Variants in SLC39A11 observed in about 807,000 individuals in gnomAD.
SLC39A11 encodes solute carrier family 39 member 11, also known as zinc transporter ZIP11.
SLC39A11 carries 33 observed loss-of-function variants against 36.1 expected under a neutral mutation model. The ratio of observed to expected loss-of-function variants is 0.91; its 90% CI spans 0.69 to 1.22. SLC39A11 has a LOEUF of 1.22. Ranked by LOEUF, SLC39A11 falls within the 50% of genes most tolerant of loss-of-function variation. The probability of loss-of-function intolerance (pLI) is 0.00; values close to 1 mark genes in which losing one functional copy is unlikely to be tolerated. For synonymous variants in SLC39A11, 166 were observed against 170.3 expected, an observed-to-expected ratio of 0.97 and a Z score of 0.20; for missense variants, 432 against 430.3, an observed-to-expected ratio of 1.00 and a Z score of -0.03.
intron 6 of SLC39A11, among the ~76,000 whole-genome samples, chr17:72,822,229 C>T (rs1020828987): frequency 1.3e-5 from 2 of 148,382 alleles, no homozygotes; most frequent in Non-Finnish European, 3.0e-5. Flanking sequence ...ATACTATATA[C>T]ATACTATACA....
At chr17:73,063,968 A>T (rs776438464) in intron 3 of SLC39A11, among the ~76,000 whole-genome samples, 1 of 152,040 alleles carries the variant, frequency 6.6e-6, no homozygotes, top group East Asian at 1.9e-4. Context: ...CAGGTATCTA[A>T]TTTTTCCACA....
At chr17:72,933,448 C>A (rs1316632936) in intron 5 of SLC39A11, among the ~76,000 whole-genome samples, 1 of 152,044 alleles carries the variant, frequency 6.6e-6, no homozygotes, top group African/African-American at 2.4e-5. Context: ...AAATGGAAAA[C>A]TCTATATTTA....
intron 4 of SLC39A11, among the ~76,000 whole-genome samples, chr17:72,971,677 C>T (rs1427351849): frequency 6.6e-6 from 1 of 152,198 alleles, no homozygotes; most frequent in African/African-American, 2.4e-5. Flanking sequence ...GGGGCCGGGC[C>T]GCCCCCCAGG....
At chr17:73,013,506 G>C (rs887937710) in intron 4 of SLC39A11, among the ~76,000 whole-genome samples, 1 of 152,234 alleles carries the variant, frequency 6.6e-6, no homozygotes, top group African/African-American at 2.4e-5. Context: ...AGCAGCTGCA[G>C]GGGATTCCAC....
At chr17:72,940,140 C>A (rs1387443932) in intron 5 of SLC39A11, among the ~76,000 whole-genome samples, 1 of 152,174 alleles carries the variant, frequency 6.6e-6, no homozygotes, top group Non-Finnish European at 1.5e-5. Context: ...ATTATTTCCC[C>A]AGAAGTTAAC....
intron 5 of SLC39A11, among the ~76,000 whole-genome samples, chr17:72,869,327 G>A (rs1215473142): frequency 1.3e-5 from 2 of 152,230 alleles, no homozygotes; most frequent in African/African-American, 2.4e-5. Context: ...CGGAAGCATG[G>A]TCTCCTTCCC....
chr17:72,920,988 C>T (rs1297144916), intron 5 of SLC39A11, among the ~76,000 whole-genome samples: 3 of 152,150 alleles, frequency 2.0e-5, no homozygotes, highest in Non-Finnish European at 2.9e-5. Flanking sequence ...TTCTCTGTCT[C>T]CTCCACTGGA....
At chr17:73,040,289 C>A (rs1480603392) in intron 3 of SLC39A11, among the ~76,000 whole-genome samples, 1 of 152,206 alleles carries the variant, frequency 6.6e-6, no homozygotes, top group African/African-American at 2.4e-5. Context: ...ACTAGAATCC[C>A]CTCCCAGCAG....
At chr17:72,904,222 C>T (rs966845514) in intron 5 of SLC39A11, among the ~76,000 whole-genome samples, 1 of 152,078 alleles carries the variant, frequency 6.6e-6, no homozygotes, top group Non-Finnish European at 1.5e-5. Flanking sequence ...CATGTGAGTT[C>T]GAGAGCCCAG....
At chr17:72,838,583 T>A (rs746738407) in intron 6 of SLC39A11, among the ~76,000 whole-genome samples, 14 of 152,182 alleles carry the variant, frequency 9.2e-5, no homozygotes, top group Non-Finnish European at 1.9e-4. Flanking sequence ...TCATATCACA[T>A]TCTTTTAAAA....
At chr17:72,789,445 G>C (rs1037675168) in intron 6 of SLC39A11, among the ~76,000 whole-genome samples, 5 of 152,188 alleles carry the variant, frequency 3.3e-5, no homozygotes, top group Non-Finnish European at 4.4e-5. Context: ...TTAGGGCAAA[G>C]GGCACACGAA....
intron 4 of SLC39A11, among the ~76,000 whole-genome samples, chr17:73,025,595 AAC>A (rs975109654): frequency 4.6e-5 from 7 of 152,252 alleles, no homozygotes; most frequent in African/African-American, 7.2e-5. Context: ...ATTTAAAAAT[AAC>A]ACAAAGAGAA....
intron 5 of SLC39A11, among the ~76,000 whole-genome samples, chr17:72,932,451 C>A (rs1397536395): frequency 2.0e-5 from 3 of 148,666 alleles, no homozygotes; most frequent in South Asian, 4.4e-4. Flanking sequence ...CTACCCCCCA[C>A]CCCCCACAGG....
chr17:72,932,137 T>C (rs1217984117), intron 5 of SLC39A11, among the ~76,000 whole-genome samples: 2 of 152,064 alleles, frequency 1.3e-5, no homozygotes, highest in African/African-American at 2.4e-5. Context: ...GCATACAATA[T>C]ACTAGGCACC....
intron 5 of SLC39A11, among the ~76,000 whole-genome samples, chr17:72,887,123 G>A (rs1375861796): frequency 1.3e-5 from 2 of 152,186 alleles, no homozygotes; most frequent in Admixed American, 1.3e-4. Context: ...TGTGAGGGCA[G>A]GAGCTTTGTC....
intron 6 of SLC39A11, among the ~76,000 whole-genome samples, chr17:72,845,545 G>A (rs890059718): frequency 4.6e-5 from 7 of 152,246 alleles, no homozygotes; most frequent in African/African-American, 7.2e-5. Context: ...ACACTCTACC[G>A]TCTCCTCTGC....
chr17:73,004,169 A>AAG (rs1418420412), intron 4 of SLC39A11, among the ~76,000 whole-genome samples: 3 of 58,428 alleles, frequency 5.1e-5, no homozygotes, highest in Non-Finnish European at 1.1e-4. Context: ...GAAAAAAAGA[A>AAG]AGAAAGAAAG....
chr17:72,878,923 T>C (rs2081053791), intron 5 of SLC39A11, among the ~76,000 whole-genome samples: 3 of 152,244 alleles, frequency 2.0e-5, no homozygotes, highest in African/African-American at 7.2e-5. Context: ...CCACTATAAA[T>C]TGGGGTTCAC....
intron 6 of SLC39A11, among the ~76,000 whole-genome samples, chr17:72,771,487 G>T (rs1330431604): frequency 6.6e-6 from 1 of 152,138 alleles, no homozygotes; most frequent in Admixed American, 6.5e-5. Context: ...GAAATGGGGG[G>T]GTTACAGCAT....
Sources: allele counts gnomAD v4.1 joint callset (sites outside exome capture counted in the v4.1 genomes callset), GRCh38; gene constraint gnomAD v4.1.1; transcripts MANE v1.5; gene names NCBI Gene and HGNC (gene_info 2026-07-23, HGNC 2026-07-21).